Variants in KSR2 observed in about 807,000 individuals in gnomAD.
KSR2 encodes kinase suppressor of ras 2.
Under a neutral mutation model 107.8 loss-of-function variants are expected in KSR2, and 25 were observed. That is an observed-to-expected ratio of 0.23 (90% confidence interval 0.17 to 0.32). The LOEUF is 0.32. Ranked by LOEUF, KSR2 falls within the 10% of genes least tolerant of loss-of-function variation. The probability of loss-of-function intolerance (pLI) is 1.00; values close to 1 mark genes in which losing one functional copy is unlikely to be tolerated. For synonymous variants in KSR2, 480 were observed against 507.0 expected (o/e 0.95, Z 0.71); for missense variants, 887 against 1,268.9 (o/e 0.70, Z 4.57).
intron 14 of KSR2, among the ~76,000 whole-genome samples, chr12:117,513,463 C>T (rs1345576304): frequency 3.9e-5 from 6 of 152,208 alleles, no homozygotes; most frequent in Non-Finnish European, 7.3e-5. Flanking sequence ...AGTGCAGACA[C>T]ACTGATTTTA....
chr12:117,888,189 T>C (rs1403285757), intron 1 of KSR2, among the ~76,000 whole-genome samples: 2 of 152,208 alleles, frequency 1.3e-5, no homozygotes, highest in African/African-American at 2.4e-5. Flanking sequence ...AGTTTTTACG[T>C]AGGGCACTTT....
At chr12:117,670,550 A>T (rs1884863983) in intron 4 of KSR2, among the ~76,000 whole-genome samples, 1 of 152,124 alleles carries the variant, frequency 6.6e-6, no homozygotes, top group African/African-American at 2.4e-5. Context: ...CACTATCCTG[A>T]GAAGTTCGAT....
At chr12:117,966,607 T>TCACACACA (rs1202072461) in intron 1 of KSR2, among the ~76,000 whole-genome samples, 3 of 113,880 alleles carry the variant, frequency 2.6e-5, no homozygotes, top group African/African-American at 1.1e-4. Flanking sequence ...TCTCTCTCTC[T>TCACACACA]CTCTCACACG....
intron 5 of KSR2, among the ~76,000 whole-genome samples, chr12:117,593,079 G>A (rs576212748): frequency 1.3e-5 from 2 of 152,268 alleles, no homozygotes; most frequent in East Asian, 1.9e-4. Context: ...CCCTGAGCAT[G>A]TGCAAAGGCA....
chr12:117,527,370 A>C (rs1875269871), intron 12 of KSR2, among the ~76,000 whole-genome samples: 1 of 150,286 alleles, frequency 6.7e-6, no homozygotes. Flanking sequence ...CACACACAAC[A>C]CAGTGCGCAA....
intron 14 of KSR2, among the ~76,000 whole-genome samples, chr12:117,511,451 T>C (rs1228053851): frequency 2.0e-5 from 3 of 152,218 alleles, no homozygotes; most frequent in Admixed American, 1.3e-4. Context: ...TTCTTTAAGA[T>C]GACCCAGTAC....
chr12:117,830,416 G>T (rs1891916622), intron 3 of KSR2, among the ~76,000 whole-genome samples: 1 of 152,092 alleles, frequency 6.6e-6, no homozygotes, highest in South Asian at 2.1e-4. Context: ...CACTACCTGG[G>T]TGATGGGATT....
intron 1 of KSR2, among the ~76,000 whole-genome samples, chr12:117,919,022 A>C: frequency 6.6e-6 from 1 of 151,856 alleles, no homozygotes; most frequent in Non-Finnish European, 1.5e-5. Context: ...TAGTAGTCCC[A>C]GCTAACTCAG....
chr12:117,740,627 T>C (rs1449116096), intron 4 of KSR2, among the ~76,000 whole-genome samples: 5 of 122,846 alleles, frequency 4.1e-5, no homozygotes, highest in African/African-American at 1.4e-4. Flanking sequence ...ATATATTATA[T>C]ATGTAATATA....
intron 9 of KSR2, among the ~76,000 whole-genome samples, chr12:117,553,683 TG>T (rs1375150185): frequency 2.0e-5 from 3 of 152,168 alleles, no homozygotes; most frequent in African/African-American, 7.2e-5. Context: ...TGGGGCCTAG[TG>T]GGAGGTACTT....
At chr12:117,528,876 G>A (rs1160131424) in intron 12 of KSR2, among the ~76,000 whole-genome samples, 1 of 152,216 alleles carries the variant, frequency 6.6e-6, no homozygotes, top group Non-Finnish European at 1.5e-5. Flanking sequence ...CAGATCGCAA[G>A]CAGCTATTGA....
chr12:117,474,789 G>A (rs571974942), intron 17 of KSR2, among the ~76,000 whole-genome samples: 68 of 152,176 alleles, frequency 4.5e-4, no homozygotes, highest in South Asian at 1.5e-3. Context: ...TATACTAGTC[G>A]TGTAGAGGCA....
chr12:117,948,415 A>G (rs551812505), intron 1 of KSR2, among the ~76,000 whole-genome samples: 2 of 151,816 alleles, frequency 1.3e-5, no homozygotes, highest in East Asian at 3.9e-4. Context: ...GCTTGAACCC[A>G]GAAGGCAGAG....
chr12:117,790,296 T>C (rs567921861), intron 3 of KSR2, among the ~76,000 whole-genome samples: 1 of 152,098 alleles, frequency 6.6e-6, no homozygotes, highest in Non-Finnish European at 1.5e-5. Context: ...TCAATCAGCA[T>C]GTGTAAGAGG....
At chr12:117,685,788 G>C (rs76978276) in intron 4 of KSR2, among the ~76,000 whole-genome samples, 2,349 of 152,310 alleles carry the variant, frequency 0.015, 63 homozygotes, top group African/African-American at 0.053. Flanking sequence ...CACCACCAGA[G>C]GCCACATGTT....
At position 117,761,497 on chromosome 12, in the gene KSR2, G is replaced by A. The variant is rs774923429; in HGVS notation, c.500C>T (p.Thr167Ile). The change falls in exon 4 of 20, where the codon ACC becomes ATC. Residue 167 changes from threonine (T) to isoleucine (I), a missense_variant. By Grantham distance (89) the Thr-to-Ile change is moderately conservative (BLOSUM62 -1). This residue lies in a region of KSR2 where 399 missense variants were observed against 479.5 expected (regional missense o/e 0.83). Coordinates refer to ENST00000339824, the MANE Select transcript of KSR2 (RefSeq NM_173598.6). Reference protein sequence around the residue: ...SGGNLSKQDWTIQWPTTETGK... With the variant: ...SGGNLSKQDWIIQWPTTETGK... ...CGTCTCTGTCGTGGGCCACTGGATG[G>A]TCCAGTCTTGTTTGGAAAGGTTGCC... 8.1e-6 allele frequency: 13 copies of A among 1,613,572 alleles called. No homozygotes were observed. The South Asian group carries it at 1.3e-4, about 16-fold the overall frequency.
intron 3 of KSR2, among the ~76,000 whole-genome samples, chr12:117,834,662 T>G (rs1201512309): frequency 6.6e-6 from 1 of 152,200 alleles, no homozygotes; most frequent in Non-Finnish European, 1.5e-5. Flanking sequence ...GCTCCTCCTC[T>G]GGGCTTCCCA....
At chr12:117,643,458 A>G (rs1883474083) in intron 5 of KSR2, among the ~76,000 whole-genome samples, 2 of 152,200 alleles carry the variant, frequency 1.3e-5, no homozygotes, top group African/African-American at 2.4e-5. Flanking sequence ...AAAACAAAAC[A>G]AAACAACAAC....
intron 1 of KSR2, among the ~76,000 whole-genome samples, chr12:117,935,177 C>T (rs1470058234): frequency 1.3e-5 from 2 of 151,912 alleles, no homozygotes; most frequent in Admixed American, 1.3e-4. Context: ...GCTCTGTTGC[C>T]CAGGCTAGAG....
Sources: gnomAD v4.1 joint callset for allele counts (sites outside exome capture counted in the v4.1 genomes callset) on GRCh38, gnomAD v4.1.1 for gene constraint, gnomAD v4.1.1 regional missense constraint, MANE v1.5 for transcripts, NCBI Gene and HGNC (gene_info 2026-07-23, HGNC 2026-07-21) for gene names.